FOXK1: variants seen among roughly 807,000 people sequenced by gnomAD.
The protein encoded by FOXK1 is forkhead box K1.
In FOXK1, 19 loss-of-function variants were observed where a neutral mutation model predicts 51.9. The observed-to-expected ratio is 0.37, with a 90% CI of 0.26 to 0.54. The LOEUF (loss-of-function observed/expected upper bound fraction) is 0.54, where lower values mean the gene tolerates loss of function less well. FOXK1 is among the 20% of genes least tolerant of loss of function. The pLI, the probability that FOXK1 is intolerant of heterozygous loss-of-function variation, is 0.87. For synonymous variants in FOXK1, 537 were observed against 482.6 expected, an observed-to-expected ratio of 1.11 and a Z score of -1.48; for missense variants, 870 against 1,032.7, an observed-to-expected ratio of 0.84 and a Z score of 2.16.
At chr7:4,687,427 G>A (rs977277697) in intron 1 of FOXK1, among the ~76,000 whole-genome samples, 4 of 151,790 alleles carry the variant, frequency 2.6e-5, no homozygotes, top group African/African-American at 4.8e-5. Context: ...TGAGTAGCTG[G>A]GATTACAGGC....
In FOXK1 at chr7:4,756,730, A is replaced by T. The variant is rs145494125; in HGVS notation, c.1051-264A>T. On this transcript the variant is annotated intron_variant, in intron 4 of 8. Coordinates refer to ENST00000328914, the MANE Select transcript of FOXK1 (RefSeq NM_001037165.2). This position sits in a 1 kb window ranked among gnomAD's most constrained non-coding sequence, Gnocchi z 4.1. The stretch of plus-strand genomic sequence containing the variant: ...CAGTGAGCCGAGATCGTGCCACTGC[A>T]CTCCATCCTGGGCGACAGAATGAGA... Among the ~76,000 whole-genome samples, 4,157 of 150,970 alleles carry T rather than the reference A, an allele frequency of 0.028. 189 individuals are homozygous for T. Among genetic ancestry groups the T allele is most frequent in the African/African-American group, 0.095 (3,882 of 41,072 alleles).
intron 2 of FOXK1, among the ~76,000 whole-genome samples, chr7:4,744,264 T>G (rs1780672805): frequency 6.6e-6 from 1 of 152,212 alleles, no homozygotes; most frequent in African/African-American, 2.4e-5. Flanking sequence ...CTGTTTATTT[T>G]TATTTTATCT....
Position 4,711,052 on chromosome 7 carries a change from AGAG to A in FOXK1, c.560+28185_560+28187del, listed in dbSNP as rs890155449. On this transcript the variant is annotated intron_variant, in intron 1 of 8. Coordinates refer to ENST00000328914, the MANE Select transcript of FOXK1 (RefSeq NM_001037165.2). This position sits in a 1 kb window ranked among gnomAD's most constrained non-coding sequence, Gnocchi z 6.3. ...AGCAGCCTGGCTTTAGAGAACGCTT[AGAG>A]AAGATGGAGATGGATGGAGACGGCT... 6.6e-6 allele frequency among the ~76,000 whole-genome samples: 1 copy of A among 152,204 alleles called. No individual in the cohort carries two copies. The highest frequency in any genetic ancestry group is 1.5e-5 in the Non-Finnish European group (1 of 68,036).
chr7:4,748,865 G>A lies in FOXK1; in HGVS notation c.747-5594G>A, dbSNP rs1163564702. On this transcript the variant is annotated intron_variant, in intron 2 of 8. Transcript: ENST00000328914. The surrounding 1 kb of genome is among the most constrained non-coding windows in gnomAD (Gnocchi z 4.9). ...GGCTAATTTTTGTATTTTTTGTAGA[G>A]GTGGGGTCTCCCCATGTTGCCCAGG... is the stretch of plus-strand genomic sequence containing the variant. Among the ~76,000 whole-genome samples the A allele has an allele frequency of 6.6e-6, 1 of 152,082 alleles. No homozygotes were observed. Among genetic ancestry groups the A allele is most frequent in the Non-Finnish European group, 1.5e-5 (1 of 68,006 alleles).
At chr7:4,744,961 A>G (rs1369676752) in intron 2 of FOXK1, among the ~76,000 whole-genome samples, 4 of 152,226 alleles carry the variant, frequency 2.6e-5, no homozygotes, top group Non-Finnish European at 4.4e-5. Flanking sequence ...CTGGAATTCA[A>G]TTGAGTGTTT....
At position 4,755,060 on chromosome 7, in the gene FOXK1, G is replaced by T; in HGVS notation, c.904-177G>T. ...GTTTTCCTTCCCATGAGGCAAAAATGGTTGTTCCTAGTTGAATGCAAGCAC... is the reference window on the plus strand; with the variant it reads ...GTTTTCCTTCCCATGAGGCAAAAATTGTTGTTCCTAGTTGAATGCAAGCAC... On this transcript the variant is annotated intron_variant, in intron 3 of 8. Transcript: ENST00000328914. The surrounding 1 kb of genome is among the most constrained non-coding windows in gnomAD (Gnocchi z 6.6). The T allele has an allele frequency of 1.4e-6, 1 of 708,960 alleles. No homozygotes were observed. The highest frequency in any genetic ancestry group is 2.1e-5 in the South Asian group (1 of 47,254). 43.9% of individuals were successfully genotyped at this position (708,960 alleles called of 1,614,324 possible).
Position 4,723,976 on chromosome 7 carries a change from G to A in FOXK1, c.561-16862G>A, listed in dbSNP as rs529296490. Among the ~76,000 whole-genome samples, 3 of 149,554 alleles carry A rather than the reference G, an allele frequency of 2.0e-5. No individual in the cohort carries two copies. The highest frequency in any genetic ancestry group is 2.1e-4 in the South Asian group (1 of 4,758). On this transcript the variant is annotated intron_variant, in intron 1 of 8. Transcript: ENST00000328914. The surrounding 1 kb of genome is among the most constrained non-coding windows in gnomAD (Gnocchi z 4.7). ...GTGCACCTCTGTGCTCGGCCCATTC[G>A]ATTTTTAAAACCTTAAATGACCCTG...
At chr7:4,690,284 C>A (rs9655039) in intron 1 of FOXK1, among the ~76,000 whole-genome samples, 201 of 152,326 alleles carry the variant, frequency 1.3e-3, no homozygotes, top group African/African-American at 4.4e-3. Flanking sequence ...AGCCGCTTCG[C>A]GGAACGGGGT....
chr7:4,705,644 C>CTCCTGCCTCA (rs1780079482), intron 1 of FOXK1, among the ~76,000 whole-genome samples: 2 of 150,240 alleles, frequency 1.3e-5, no homozygotes, highest in Admixed American at 1.3e-4. Context: ...TGAAGCAATT[C>CTCCTGCCTCA]TCCTGCCTCA....
chr7:4,687,433 C>CTG (rs1779835381), intron 1 of FOXK1, among the ~76,000 whole-genome samples: 1 of 151,908 alleles, frequency 6.6e-6, no homozygotes, highest in South Asian at 2.1e-4. Context: ...GCTGGGATTA[C>CTG]AGGCGCACGT....
rs1406913831 is a variant in FOXK1 at position 4,764,294 on chromosome 7, CG to C, written c.*1831del. The C allele has an allele frequency of 6.5e-6, 1 of 154,396 alleles. No individual in the cohort carries two copies. The allele number at this position is 154,396 out of a possible 1,614,324, so 9.6% of individuals were successfully genotyped here. On this transcript the variant is annotated 3_prime_UTR_variant, in exon 9 of 9. Coordinates refer to ENST00000328914, the MANE Select transcript of FOXK1 (RefSeq NM_001037165.2). ...CTTGTTCGGTTTCCTTCCCGTGTCCCGTTGTTTTTCTAAGCCCCCCGAATTG... is the reference window on the plus strand; with the variant it reads ...CTTGTTCGGTTTCCTTCCCGTGTCCCTTGTTTTTCTAAGCCCCCCGAATTG...
intron 1 of FOXK1, among the ~76,000 whole-genome samples, chr7:4,739,950 C>T (rs542988737): frequency 2.0e-5 from 3 of 152,248 alleles, no homozygotes; most frequent in East Asian, 1.9e-4. Flanking sequence ...ATGGCATCAG[C>T]GGCACTTGTC....
chr7:4,723,779 C>T lies in FOXK1; in HGVS notation c.561-17059C>T, dbSNP rs546077328. On this transcript the variant is annotated intron_variant, in intron 1 of 8. Transcript: ENST00000328914. The surrounding 1 kb of genome is among the most constrained non-coding windows in gnomAD (Gnocchi z 4.7). ...ACCTCCTGGGCTCAAGCAATCCTCCCGCCTCAGCCTCCCAAATAGCTGAGA... is the reference window on the plus strand; with the variant it reads ...ACCTCCTGGGCTCAAGCAATCCTCCTGCCTCAGCCTCCCAAATAGCTGAGA... 9.2e-5 allele frequency among the ~76,000 whole-genome samples: 14 copies of T among 151,824 alleles called. No homozygotes were observed. The East Asian group carries it at 1.2e-3, about 13-fold the overall frequency.
rs909337270 is a variant in FOXK1 at position 4,709,725 on chromosome 7, A to G, written c.560+26857A>G. On this transcript the variant is annotated intron_variant, in intron 1 of 8. Transcript: ENST00000328914. This position sits in a 1 kb window ranked among gnomAD's most constrained non-coding sequence, Gnocchi z 5.6. ...TTTACGCCATTGGTTTGGACCCTGG[A>G]GCAGTGAAGTTCCACAGTGTCATGA... is the stretch of plus-strand genomic sequence containing the variant. 1.3e-5 allele frequency among the ~76,000 whole-genome samples: 2 copies of G among 152,210 alleles called. No individual in the cohort carries two copies. Among genetic ancestry groups the G allele is most frequent in the African/African-American group, 4.8e-5 (2 of 41,442 alleles).
rs1364692781 is a variant in FOXK1 at position 4,755,592 on chromosome 7, T to A, written c.1050+209T>A. On this transcript the variant is annotated intron_variant, in intron 4 of 8. Transcript: ENST00000328914. The surrounding 1 kb of genome is among the most constrained non-coding windows in gnomAD (Gnocchi z 6.6). Reference sequence around the variant, plus strand: ...TCTTTTCTACTAAAAATTAGCTGAGTGTGGTGGTGCACACCTGTGGTCGCA... The same window carrying A: ...TCTTTTCTACTAAAAATTAGCTGAGAGTGGTGGTGCACACCTGTGGTCGCA... 6.6e-6 allele frequency among the ~76,000 whole-genome samples: 1 copy of A among 152,008 alleles called. No homozygotes were observed. Among genetic ancestry groups the A allele is most frequent in the East Asian group, 1.9e-4 (1 of 5,176 alleles).
intron 1 of FOXK1, among the ~76,000 whole-genome samples, chr7:4,684,868 C>T (rs1344852283): frequency 6.6e-6 from 1 of 151,906 alleles, no homozygotes; most frequent in Non-Finnish European, 1.5e-5. Flanking sequence ...AAATTTCAAC[C>T]TCAGATCGTC....
chr7:4,745,409 CG>C lies in FOXK1; in HGVS notation c.746+4387del, dbSNP rs1780690021. On this transcript the variant is annotated intron_variant, in intron 2 of 8. Transcript: ENST00000328914. The surrounding 1 kb of genome is among the most constrained non-coding windows in gnomAD (Gnocchi z 4.3). ...CGCGCCACCCTGCGTCCTTCCTTTC[CG>C]TTTCTCGCAGGCCCTCGCTCCTTTT... Among the ~76,000 whole-genome samples the C allele has an allele frequency of 6.7e-6, 1 of 148,944 alleles. No individual in the cohort carries two copies. The highest frequency in any genetic ancestry group is 1.5e-5 in the Non-Finnish European group (1 of 67,286).
chr7:4,689,504 A>G (rs1457533096), intron 1 of FOXK1, among the ~76,000 whole-genome samples: 1 of 152,220 alleles, frequency 6.6e-6, no homozygotes, highest in Non-Finnish European at 1.5e-5. Context: ...CATGAGCATG[A>G]CAATTGGGTG....
rs187211160 is a variant in FOXK1, at chr7:4,725,137, C to T, written c.561-15701C>T. Among the ~76,000 whole-genome samples the T allele has an allele frequency of 7.3e-3, 1,116 of 152,366 alleles. 16 individuals carry two copies. The highest frequency in any genetic ancestry group is 0.025 in the African/African-American group (1,037 of 41,590). On this transcript the variant is annotated intron_variant, in intron 1 of 8. Coordinates refer to ENST00000328914, the MANE Select transcript of FOXK1 (RefSeq NM_001037165.2). Reference sequence around the variant, plus strand: ...CCTAAACCCCACTGTGCTGTGCTCTCTCGCAGTTCCTGCAGGCGCGCGTTC... The same window carrying T: ...CCTAAACCCCACTGTGCTGTGCTCTTTCGCAGTTCCTGCAGGCGCGCGTTC...
Sources: gnomAD v4.1 joint callset for allele counts (sites outside exome capture counted in the v4.1 genomes callset) on GRCh38, gnomAD v4.1.1 for gene constraint, Gnocchi (gnomAD v3.1) non-coding constraint, MANE v1.5 for transcripts, NCBI Gene and HGNC (gene_info 2026-07-23, HGNC 2026-07-21) for gene names.